The following TCF4 variants were observed in gnomAD, a reference collection of about 807,000 sequenced individuals.
TCF4 encodes SL3-3 enhancer factor 2.
Under a neutral mutation model 82.1 loss-of-function variants are expected in TCF4, and 3 were observed. That is an observed-to-expected ratio of 0.04 (90% CI 0.02 to 0.09). The LOEUF (loss-of-function observed/expected upper bound fraction) is 0.09, where lower values mean the gene tolerates loss of function less well. TCF4 is among the 10% of genes least tolerant of loss of function. The probability of loss-of-function intolerance (pLI) is 1.00; values close to 1 mark genes in which losing one functional copy is unlikely to be tolerated. For synonymous variants in TCF4, 276 were observed against 309.6 expected, an observed-to-expected ratio of 0.89 and a Z score of 1.14; for missense variants, 518 against 852.7, an observed-to-expected ratio of 0.61 and a Z score of 4.89.
chr18:55,627,487 G>C (rs1245209205), intron 2 of TCF4, among the ~76,000 whole-genome samples: 1 of 152,194 alleles, frequency 6.6e-6, no homozygotes, highest in African/African-American at 2.4e-5. Flanking sequence ...TCATAGGCTG[G>C]GCGCAGTGGC....
chr18:55,365,282 T>C (rs191798457), intron 6 of TCF4, among the ~76,000 whole-genome samples: 9 of 144,284 alleles, frequency 6.2e-5, no homozygotes, highest in Middle Eastern at 3.6e-3. Context: ...CACACACACA[T>C]ATATATATGA....
chr18:55,515,175 A>T (rs1025750940), intron 3 of TCF4, among the ~76,000 whole-genome samples: 4 of 152,206 alleles, frequency 2.6e-5, no homozygotes, highest in Non-Finnish European at 5.9e-5. Context: ...CAAAGTTAAA[A>T]GACCTAAGAA....
chr18:55,510,449 C>T (rs1392867301), intron 3 of TCF4: 5 of 605,750 alleles, frequency 8.3e-6, no homozygotes, highest in Non-Finnish European at 1.3e-5. Context: ...TGCATTTCAA[C>T]CTAGAAGCCT....
intron 11 of TCF4, chr18:55,268,218 A>G (rs1355745051): frequency 6.6e-6 from 1 of 152,120 alleles, no homozygotes; most frequent in African/African-American, 2.4e-5. Context: ...CCTTCCTAAA[A>G]AAGAAAATTA....
intron 3 of TCF4, among the ~76,000 whole-genome samples, chr18:55,559,207 A>G (rs766478006): frequency 5.6e-4 from 85 of 151,826 alleles, no homozygotes; most frequent in Admixed American, 9.2e-4. Flanking sequence ...GCTATCAGAA[A>G]TGTTACCTTA....
At chr18:55,271,706 T>C (rs1368855591) in intron 10 of TCF4, among the ~76,000 whole-genome samples, 1 of 152,106 alleles carries the variant, frequency 6.6e-6, no homozygotes, top group Non-Finnish European at 1.5e-5. Context: ...TCATTTCTAC[T>C]TGCCACCTAA....
At chr18:55,611,741 A>G (rs1247581673) in intron 2 of TCF4, among the ~76,000 whole-genome samples, 1 of 152,164 alleles carries the variant, frequency 6.6e-6, no homozygotes, top group Non-Finnish European at 1.5e-5. Context: ...TATAATTTCA[A>G]CATAAAATCA....
chr18:55,381,728 C>G (rs1383790957), intron 6 of TCF4, among the ~76,000 whole-genome samples: 1 of 151,590 alleles, frequency 6.6e-6, no homozygotes, highest in African/African-American at 2.4e-5. Flanking sequence ...CGGTTTTATA[C>G]TCAATCCCGC....
At chr18:55,530,266 C>T (rs1035381857) in intron 3 of TCF4, among the ~76,000 whole-genome samples, 1 of 152,150 alleles carries the variant, frequency 6.6e-6, no homozygotes, top group African/African-American at 2.4e-5. Context: ...CTATGCTATG[C>T]ATCTTGGCTC....
At chr18:55,321,848 G>A in intron 8 of TCF4, 1 of 1,476,172 alleles carries the variant, frequency 6.8e-7, no homozygotes, top group Non-Finnish European at 9.0e-7. Context: ...ATATGGCCGG[G>A]CCAAGCGTGG....
chr18:55,573,126 T>C (rs937727907), intron 3 of TCF4, among the ~76,000 whole-genome samples: 2 of 152,008 alleles, frequency 1.3e-5, no homozygotes, highest in Non-Finnish European at 2.9e-5. Flanking sequence ...CCTCGCAGAA[T>C]TGCAAACTCA....
chr18:55,330,710 C>A (rs2077409157), intron 8 of TCF4, among the ~76,000 whole-genome samples: 1 of 151,750 alleles, frequency 6.6e-6, no homozygotes. Context: ...GGATTACCAG[C>A]ATGCACCACT....
intron 17 of TCF4, chr18:55,231,933 A>AT (rs1248013287): frequency 6.5e-6 from 1 of 152,812 alleles, no homozygotes; most frequent in Non-Finnish European, 1.5e-5. Flanking sequence ...GTTCAAGGAG[A>AT]TATAGATTTG....
At chr18:55,420,116 C>T (rs183818624) in intron 5 of TCF4, among the ~76,000 whole-genome samples, 4 of 152,134 alleles carry the variant, frequency 2.6e-5, no homozygotes, top group Non-Finnish European at 2.9e-5. Context: ...GGAATTAACA[C>T]GTGCAAAACA....
At chr18:55,299,623 T>A (rs1044180259) in intron 8 of TCF4, among the ~76,000 whole-genome samples, 3 of 152,274 alleles carry the variant, frequency 2.0e-5, no homozygotes, top group African/African-American at 7.2e-5. Flanking sequence ...AGTCAAAACC[T>A]CATGGGCTGC....
intron 3 of TCF4, among the ~76,000 whole-genome samples, chr18:55,534,428 A>G (rs1001859402): frequency 6.6e-6 from 1 of 152,382 alleles, no homozygotes; most frequent in East Asian, 1.9e-4. Context: ...GAAGAGACAC[A>G]TAAGTGAGGG....
chr18:55,268,581 G>C (rs2059685878), intron 11 of TCF4: 1 of 152,092 alleles, frequency 6.6e-6, no homozygotes, highest in Non-Finnish European at 1.5e-5. Flanking sequence ...GAGTGGAGAG[G>C]CTGCGAGATA....
intron 2 of TCF4, among the ~76,000 whole-genome samples, chr18:55,622,050 AATAT>A (rs1306358060): frequency 7.3e-6 from 1 of 136,274 alleles, no homozygotes; most frequent in South Asian, 2.1e-4. Context: ...CACTATATAT[AATAT>A]ATATACACTG....
At chr18:55,553,631 C>T (rs1287401521) in intron 3 of TCF4, among the ~76,000 whole-genome samples, 1 of 152,196 alleles carries the variant, frequency 6.6e-6, no homozygotes, top group African/African-American at 2.4e-5. Context: ...GTTTACGAAG[C>T]TCAGCAGTCT....
Sources: allele counts gnomAD v4.1 joint callset (sites outside exome capture counted in the v4.1 genomes callset), GRCh38; gene constraint gnomAD v4.1.1; transcripts MANE v1.5; gene names NCBI Gene and HGNC (gene_info 2026-07-23, HGNC 2026-07-21).